GABRG1: variants seen among roughly 807,000 people sequenced by gnomAD.
GABRG1 encodes gamma-aminobutyric acid type A receptor subunit gamma1.
A neutral mutation model predicts 49.8 loss-of-function variants in GABRG1; 49 were observed. The ratio of observed to expected loss-of-function variants is 0.98; its 90% CI spans 0.78 to 1.25. The LOEUF (loss-of-function observed/expected upper bound fraction) is 1.25. Ranked by LOEUF, GABRG1 falls within the 50% of genes most tolerant of loss-of-function variation. GABRG1 has a pLI of 0.00. For synonymous variants in GABRG1, 232 were observed against 185.1 expected (o/e 1.25, Z -2.06); for missense variants, 552 against 552.3 (o/e 1.00, Z 0.01).
intron 2 of GABRG1, among the ~76,000 whole-genome samples, chr4:46,088,986 TAAA>T (rs1719886065): frequency 6.6e-6 from 1 of 151,860 alleles, no homozygotes; most frequent in South Asian, 2.1e-4. Context: ...TGATAGGACT[TAAA>T]GAAGAAAAAG....
At chr4:46,073,034 A>G (rs1719194458) in intron 3 of GABRG1, among the ~76,000 whole-genome samples, 1 of 151,946 alleles carries the variant, frequency 6.6e-6, no homozygotes, top group African/African-American at 2.4e-5. Context: ...TTATGTCAAG[A>G]GTTGTCATAT....
rs570489024 is a variant in GABRG1 at position 46,104,663 on chromosome 4, AC to A, written c.105-7315del. The stretch of plus-strand genomic sequence containing the variant: ...GTATTGGTTATTTTGCCTTATGTAA[AC>A]TACATTCTAGTTGGGATTTTAACAC... On this transcript the variant is annotated intron_variant, in intron 1 of 8. Coordinates refer to ENST00000295452, the MANE Select transcript of GABRG1 (RefSeq NM_173536.4). 1.4e-4 allele frequency among the ~76,000 whole-genome samples: 21 copies of A among 151,566 alleles called. No homozygotes were observed. The South Asian group carries it at 3.9e-3, about 28-fold the overall frequency.
At chr4:46,064,913 T>G (rs1718849202) in intron 4 of GABRG1, among the ~76,000 whole-genome samples, 1 of 152,166 alleles carries the variant, frequency 6.6e-6, no homozygotes, top group Non-Finnish European at 1.5e-5. Flanking sequence ...GAAGGATGGT[T>G]CTTAATAAGC....
chr4:46,079,191 A>G (rs1035380178), intron 3 of GABRG1, among the ~76,000 whole-genome samples: 6 of 151,732 alleles, frequency 4.0e-5, no homozygotes, highest in African/African-American at 1.5e-4. Flanking sequence ...GCATTCTGTC[A>G]TTTGCTAAGT....
chr4:46,091,366 C>G (rs980384299), intron 2 of GABRG1, among the ~76,000 whole-genome samples: 1 of 151,940 alleles, frequency 6.6e-6, no homozygotes, highest in African/African-American at 2.4e-5. Context: ...TTTCACATAC[C>G]CTACTCGCAT....
intron 2 of GABRG1, among the ~76,000 whole-genome samples, chr4:46,094,468 A>G (rs1307556609): frequency 6.6e-6 from 1 of 151,948 alleles, no homozygotes; most frequent in Non-Finnish European, 1.5e-5. Context: ...AAGTAAATGT[A>G]CCATTAATAT....
rs1226834351 is a variant in GABRG1 at position 46,037,071 on chromosome 4, C to T, written c.*3917G>A. The stretch of plus-strand genomic sequence containing the variant: ...CAGCTCGCATCTCTAAACACATATC[C>T]TCCACAAAACCTTCCCAAAGTTATC... On this transcript the variant is annotated 3_prime_UTR_variant, in exon 9 of 9. Transcript: ENST00000295452. 1 of 151,778 alleles carries T rather than the reference C, an allele frequency of 6.6e-6. No individual in the cohort carries two copies. The highest frequency in any genetic ancestry group is 1.5e-5 in the Non-Finnish European group (1 of 67,824). 9.4% of individuals were successfully genotyped at this position (151,778 alleles called of 1,614,324 possible). A position where few individuals can be genotyped will look rare whatever the true frequency, so the allele number is the denominator to read the frequency against.
chr4:46,063,352 A>G (rs1217406321), intron 5 of GABRG1, among the ~76,000 whole-genome samples: 2 of 152,050 alleles, frequency 1.3e-5, no homozygotes, highest in African/African-American at 4.8e-5. Context: ...CAGAGCCCTC[A>G]GAAATAACGC....
intron 3 of GABRG1, among the ~76,000 whole-genome samples, chr4:46,077,476 T>G (rs962706411): frequency 1.2e-4 from 19 of 152,032 alleles, no homozygotes; most frequent in Non-Finnish European, 1.9e-4. Flanking sequence ...AATTTTTTCT[T>G]CTATCTAAAT....
rs562536718 is a variant in GABRG1 at position 46,049,496 on chromosome 4, C to T, written c.1131+1928G>A. Among the ~76,000 whole-genome samples, 370 of 151,940 alleles carry T rather than the reference C, an allele frequency of 2.4e-3. 1 individual carries two copies. The highest frequency in any genetic ancestry group is 3.8e-3 in the Non-Finnish European group (261 of 67,860). On this transcript the variant is annotated intron_variant, in intron 8 of 8. Transcript: ENST00000295452. ...CAGTAAAGAAAATATTTTTGGTACT[C>T]AAGTAGTCAATTATAATATGTCAAT... is the stretch of plus-strand genomic sequence containing the variant.
intron 1 of GABRG1, among the ~76,000 whole-genome samples, chr4:46,110,580 T>C (rs981442085): frequency 2.6e-5 from 4 of 151,120 alleles, no homozygotes; most frequent in African/African-American, 9.7e-5. Flanking sequence ...ATATCCTTGA[T>C]GAACATAGAT....
At chr4:46,096,497 G>A (rs1720167759) in intron 2 of GABRG1, among the ~76,000 whole-genome samples, 1 of 151,588 alleles carries the variant, frequency 6.6e-6, no homozygotes, top group Admixed American at 6.6e-5. Context: ...TGATGCCAGG[G>A]TTGAGCACAA....
At chr4:46,118,023 T>C (rs1214843843) in intron 1 of GABRG1, among the ~76,000 whole-genome samples, 1 of 114,424 alleles carries the variant, frequency 8.7e-6, no homozygotes, top group African/African-American at 5.1e-5. Context: ...CATGTGTATC[T>C]ATATACATAT....
intron 1 of GABRG1, among the ~76,000 whole-genome samples, chr4:46,105,192 G>T (rs145717475): frequency 2.0e-5 from 3 of 151,284 alleles, no homozygotes; most frequent in African/African-American, 7.3e-5. Context: ...GCTAATTAAG[G>T]CCTGGGCAAA....
rs201238061 is a variant in GABRG1, at chr4:46,051,618, T to C, written c.937A>G (p.Met313Val). The change falls in exon 8 of 9, where the codon ATG becomes GTG. Residue 313 changes from methionine (M) to valine (V), a missense_variant. Met to Val is a conservative substitution (Grantham distance 21). Coordinates refer to ENST00000295452, the MANE Select transcript of GABRG1 (RefSeq NM_173536.4). ...TSLGITTVLTMTTLSTIARKS... is the reference protein window; with the variant it reads ...TSLGITTVLTVTTLSTIARKS... The stretch of plus-strand genomic sequence containing the variant: ...CTGGCAATTGTACTCAGGGTTGTCA[T>C]AGTCAGAACTGTAGTGATACCTATA... 17 of 1,607,928 alleles carry C rather than the reference T, an allele frequency of 1.1e-5. No individual in the cohort carries two copies. Among genetic ancestry groups the C allele is most frequent in the Non-Finnish European group, 1.4e-5 (16 of 1,175,498 alleles).
chr4:46,093,161 T>G (rs1720049388), intron 2 of GABRG1, among the ~76,000 whole-genome samples: 1 of 151,738 alleles, frequency 6.6e-6, no homozygotes, highest in Admixed American at 6.6e-5. Flanking sequence ...GCAAAATGTA[T>G]TCTACAGACC....
At chr4:46,060,352 G>A (rs2109404311) in intron 5 of GABRG1, among the ~76,000 whole-genome samples, 1 of 151,994 alleles carries the variant, frequency 6.6e-6, no homozygotes, top group South Asian at 2.1e-4. Flanking sequence ...TGGAGATTAT[G>A]TTCTATTACA....
intron 7 of GABRG1, among the ~76,000 whole-genome samples, chr4:46,053,581 C>G (rs374170665): frequency 6.6e-6 from 1 of 151,934 alleles, no homozygotes; most frequent in African/African-American, 2.4e-5. Context: ...CCCACACAAG[C>G]TTATTAAATC....
intron 1 of GABRG1, among the ~76,000 whole-genome samples, chr4:46,108,335 C>T (rs919053371): frequency 6.6e-6 from 1 of 150,980 alleles, no homozygotes; most frequent in Non-Finnish European, 1.5e-5. Flanking sequence ...ACTAAATCTC[C>T]GTGTGAGAAG....
Sources: allele counts gnomAD v4.1 joint callset (sites outside exome capture counted in the v4.1 genomes callset), GRCh38; gene constraint gnomAD v4.1.1; transcripts MANE v1.5; gene names NCBI Gene and HGNC (gene_info 2026-07-23, HGNC 2026-07-21).